VEPH1: variants seen among roughly 807,000 people sequenced by gnomAD.
The protein encoded by VEPH1 is ventricular zone-expressed PH domain-containing protein homolog 1.
VEPH1 carries 80 observed loss-of-function variants against 85.2 expected under a neutral mutation model. The ratio of observed to expected loss-of-function variants is 0.94; its 90% CI spans 0.78 to 1.13. VEPH1 has a LOEUF of 1.13. Among genes scored for constraint, VEPH1 ranks in the 50% most tolerant of loss-of-function variants. VEPH1 has a pLI of 0.00. For synonymous variants in VEPH1, 297 were observed against 348.0 expected (o/e 0.85, Z 1.63); for missense variants, 955 against 980.5 (o/e 0.97, Z 0.35).
chr3:157,457,185 C>T (rs989387881), intron 4 of VEPH1, among the ~76,000 whole-genome samples: 2 of 151,984 alleles, frequency 1.3e-5, no homozygotes, highest in Admixed American at 1.3e-4. Context: ...AGCTTGGCTA[C>T]TGGTGGTGTG....
At chr3:157,403,267 A>G (rs1730903922) in intron 6 of VEPH1, among the ~76,000 whole-genome samples, 1 of 152,186 alleles carries the variant, frequency 6.6e-6, no homozygotes, top group African/African-American at 2.4e-5. Flanking sequence ...ACATTAAAAA[A>G]TAAAAACAAG....
chr3:157,277,224 A>G (rs560613183), intron 12 of VEPH1, among the ~76,000 whole-genome samples: 1 of 152,292 alleles, frequency 6.6e-6, no homozygotes, highest in Non-Finnish European at 1.5e-5. Context: ...AACTTTTAAT[A>G]AGAAAGGGTT....
At chr3:157,465,160 C>T (rs1456636974) in intron 3 of VEPH1, among the ~76,000 whole-genome samples, 3 of 152,172 alleles carry the variant, frequency 2.0e-5, no homozygotes, top group Non-Finnish European at 4.4e-5. Flanking sequence ...CAGAGGGCAG[C>T]CACGTCTCCT....
intron 4 of VEPH1, among the ~76,000 whole-genome samples, chr3:157,459,275 C>T (rs1247785684): frequency 6.6e-6 from 1 of 152,210 alleles, no homozygotes; most frequent in African/African-American, 2.4e-5. Flanking sequence ...GGACAGCACC[C>T]CACCATGCTA....
intron 5 of VEPH1, among the ~76,000 whole-genome samples, chr3:157,426,807 T>C (rs1344165438): frequency 8.4e-5 from 2 of 23,678 alleles, no homozygotes; most frequent in African/African-American, 1.9e-4. Flanking sequence ...AATCTGTTGC[T>C]TTTTTTTTTT....
intron 11 of VEPH1, among the ~76,000 whole-genome samples, chr3:157,294,655 A>G (rs1004112644): frequency 6.6e-6 from 1 of 152,032 alleles, no homozygotes; most frequent in African/African-American, 2.4e-5. Flanking sequence ...GTGAGCAAAA[A>G]TTTTTCTGTG....
intron 9 of VEPH1, among the ~76,000 whole-genome samples, chr3:157,361,312 A>C (rs1199466258): frequency 6.6e-6 from 1 of 152,228 alleles, no homozygotes; most frequent in Non-Finnish European, 1.5e-5. Context: ...TCAGATTATA[A>C]CAGACATGCT....
intron 2 of VEPH1, among the ~76,000 whole-genome samples, chr3:157,474,124 A>G (rs2109505121): frequency 6.6e-6 from 1 of 152,302 alleles, no homozygotes; most frequent in Admixed American, 6.5e-5. Context: ...TGGAAGATTT[A>G]AGCTCTCTAT....
intron 4 of VEPH1, among the ~76,000 whole-genome samples, chr3:157,446,920 T>C (rs1577680560): frequency 1.3e-5 from 2 of 152,318 alleles, no homozygotes; most frequent in East Asian, 3.9e-4. Context: ...GTAATCTCTA[T>C]GAGTCTCAAA....
chr3:157,295,725 C>CTA (rs1718041245), intron 11 of VEPH1, among the ~76,000 whole-genome samples: 1 of 152,136 alleles, frequency 6.6e-6, no homozygotes, highest in African/African-American at 2.4e-5. Flanking sequence ...GAGGCTGAGG[C>CTA]AGGCGGATCA....
intron 12 of VEPH1, among the ~76,000 whole-genome samples, chr3:157,266,457 T>C (rs1370489657): frequency 6.6e-6 from 1 of 152,162 alleles, no homozygotes; most frequent in Non-Finnish European, 1.5e-5. Flanking sequence ...ATGTTTCTTA[T>C]ATATCAGGGA....
chr3:157,477,040 G>A (rs891397038), intron 2 of VEPH1, among the ~76,000 whole-genome samples: 4 of 152,134 alleles, frequency 2.6e-5, no homozygotes, highest in East Asian at 1.9e-4. Context: ...TTGTCTTCTT[G>A]TTATAGTTGC....
At chr3:157,416,892 AAG>A (rs201736141) in intron 5 of VEPH1, among the ~76,000 whole-genome samples, 1,969 of 152,082 alleles carry the variant, frequency 0.013, 40 homozygotes, top group African/African-American at 0.043. Flanking sequence ...GAAAGAAAGA[AAG>A]AGAAAGGAAG....
intron 11 of VEPH1, among the ~76,000 whole-genome samples, chr3:157,301,746 G>A (rs998658888): frequency 2.5e-4 from 38 of 152,068 alleles, no homozygotes; most frequent in Admixed American, 6.6e-4. Flanking sequence ...ACTTTCTGAG[G>A]TTCTTTTATT....
intron 3 of VEPH1, 50 bp downstream of exon 3, chr3:157,470,264 C>G: frequency 1.3e-6 from 2 of 1,570,650 alleles, no homozygotes; most frequent in Non-Finnish European, 1.7e-6. Context: ...ACAGGTTCAC[C>G]TAGGCTGCCA....
At position 157,261,276 on chromosome 3, in the gene VEPH1, G is replaced by A. The variant is rs779993474; in HGVS notation, c.2360C>T (p.Ala787Val). The A allele has an allele frequency of 6.2e-7, 1 of 1,613,736 alleles. No homozygotes were observed. Among genetic ancestry groups the A allele is most frequent in the Non-Finnish European group, 8.5e-7 (1 of 1,179,792 alleles). Reference sequence around the variant, plus strand: ...TTTATTGTCTGTGAAGATTTCGAAAGCCCGGGGGAGAGAGCGGTCCCTGCG... The same window carrying A: ...TTTATTGTCTGTGAAGATTTCGAAAACCCGGGGGAGAGAGCGGTCCCTGCG... ...KKRRDRSLPRAFEIFTDNKTY... is the reference protein window; with the variant it reads ...KKRRDRSLPRVFEIFTDNKTY... Residue 787 changes from alanine (A) to valine (V), a missense_variant, in exon 14 of 14, where the codon GCT becomes GTT. Transcript: ENST00000362010.
At chr3:157,433,004 C>T (rs966392437) in intron 4 of VEPH1, among the ~76,000 whole-genome samples, 6 of 152,054 alleles carry the variant, frequency 3.9e-5, no homozygotes, top group African/African-American at 1.2e-4. Flanking sequence ...TAAATGAAAA[C>T]TTTATTTGCA....
At chr3:157,487,236 T>G (rs1401415616) in intron 2 of VEPH1, among the ~76,000 whole-genome samples, 1 of 152,012 alleles carries the variant, frequency 6.6e-6, no homozygotes, top group Non-Finnish European at 1.5e-5. Flanking sequence ...CTTTAAAAAG[T>G]AGAAGGCAAA....
At chr3:157,382,493 C>T (rs1728887252) in intron 6 of VEPH1, among the ~76,000 whole-genome samples, 1 of 152,040 alleles carries the variant, frequency 6.6e-6, no homozygotes, top group African/African-American at 2.4e-5. Flanking sequence ...AATGATATAC[C>T]ATTAATAAAT....
Sources: gnomAD v4.1 joint callset for allele counts (sites outside exome capture counted in the v4.1 genomes callset) on GRCh38, gnomAD v4.1.1 for gene constraint, MANE v1.5 for transcripts, NCBI Gene and HGNC (gene_info 2026-07-23, HGNC 2026-07-21) for gene names.